Variants in ABTB3 observed in about 807,000 individuals in gnomAD.
ABTB3 encodes the protein ankyrin repeat- and BTB/POZ domain-containing protein 3.
the ABTB3 span, among the ~76,000 whole-genome samples, chr12:107,565,437 C>T: frequency 1.3e-5 from 2 of 152,126 alleles, no homozygotes; most frequent in East Asian, 3.9e-4. Flanking sequence ...TACTTCCACC[C>T]CTGCTATTTC....
At chr12:107,451,354 A>G in the ABTB3 span, among the ~76,000 whole-genome samples, 1 of 152,216 alleles carries the variant, frequency 6.6e-6, no homozygotes, top group African/African-American at 2.4e-5. Flanking sequence ...TGTTGAAGGC[A>G]GTGTTTTCTG....
At chr12:107,499,657 G>C in the ABTB3 span, among the ~76,000 whole-genome samples, 4 of 151,522 alleles carry the variant, frequency 2.6e-5, no homozygotes, top group African/African-American at 4.9e-5. Context: ...GCGGCAAGAG[G>C]GGGCAGGGGG....
the ABTB3 span, among the ~76,000 whole-genome samples, chr12:107,420,299 T>G: frequency 1.3e-5 from 2 of 152,128 alleles, no homozygotes; most frequent in African/African-American, 4.8e-5. Context: ...CATACTGCTA[T>G]GAAGAAATAC....
At chr12:107,581,073 A>C in the ABTB3 span, 1 of 1,539,218 alleles carries the variant, frequency 6.5e-7, no homozygotes, top group South Asian at 1.2e-5. Context: ...CCCCGCGAGC[A>C]GGGGGTGGGG....
chr12:107,434,203 G>T, the ABTB3 span, among the ~76,000 whole-genome samples: 2 of 152,196 alleles, frequency 1.3e-5, no homozygotes, highest in African/African-American at 4.8e-5. Flanking sequence ...TATCCCACCT[G>T]TAGGGCAAGA....
At chr12:107,364,135 C>T in the ABTB3 span, among the ~76,000 whole-genome samples, 41 of 152,268 alleles carry the variant, frequency 2.7e-4, no homozygotes, top group Non-Finnish European at 5.1e-4. Context: ...GGGCCAGTGA[C>T]CCCAGACAGT....
At chr12:107,337,248 T>C in the ABTB3 span, among the ~76,000 whole-genome samples, 1 of 152,198 alleles carries the variant, frequency 6.6e-6, no homozygotes, top group African/African-American at 2.4e-5. Flanking sequence ...ATTAATAGAC[T>C]TGTATGGGGT....
the ABTB3 span, among the ~76,000 whole-genome samples, chr12:107,550,236 A>C: frequency 1.3e-5 from 2 of 152,178 alleles, no homozygotes; most frequent in African/African-American, 4.8e-5. Context: ...CACAGCCACT[A>C]GTACTAGGCA....
At chr12:107,481,983 G>A in the ABTB3 span, among the ~76,000 whole-genome samples, 1 of 150,466 alleles carries the variant, frequency 6.6e-6, no homozygotes, top group Admixed American at 6.7e-5. Context: ...CTGAGTTAGG[G>A]AATATGTCCA....
chr12:107,360,368 G>C, the ABTB3 span, among the ~76,000 whole-genome samples: 3 of 152,160 alleles, frequency 2.0e-5, 1 homozygote, highest in South Asian at 6.2e-4. Flanking sequence ...AGTTTTGCTG[G>C]ATTGGAGCCC....
the ABTB3 span, among the ~76,000 whole-genome samples, chr12:107,547,281 C>A: frequency 3.9e-4 from 59 of 152,240 alleles, no homozygotes; most frequent in Non-Finnish European, 5.9e-4. Flanking sequence ...AACCACAACC[C>A]TCTGATGAGC....
the ABTB3 span, among the ~76,000 whole-genome samples, chr12:107,463,832 C>G: frequency 6.6e-6 from 1 of 152,214 alleles, no homozygotes; most frequent in East Asian, 1.9e-4. Context: ...AAGCCTCAAC[C>G]AGCCTCCCTT....
chr12:107,412,675 C>A, the ABTB3 span, among the ~76,000 whole-genome samples: 1 of 152,040 alleles, frequency 6.6e-6, no homozygotes, highest in African/African-American at 2.4e-5. Context: ...GTGTACCCTG[C>A]CTAATTAGGG....
chr12:107,515,597 GC>G, the ABTB3 span, among the ~76,000 whole-genome samples: 5 of 152,188 alleles, frequency 3.3e-5, no homozygotes, highest in African/African-American at 1.2e-4. Flanking sequence ...CGTGGCAACA[GC>G]TACTTGACTT....
the ABTB3 span, chr12:107,634,952 G>C: frequency 5.4e-6 from 1 of 186,736 alleles, no homozygotes; most frequent in Non-Finnish European, 1.1e-5. Flanking sequence ...TTAGAGTACT[G>C]GTAAAGGTGG....
At chr12:107,452,336 T>C in the ABTB3 span, among the ~76,000 whole-genome samples, 1 of 151,188 alleles carries the variant, frequency 6.6e-6, no homozygotes, top group South Asian at 2.1e-4. Flanking sequence ...GCGTCCTGAG[T>C]AGCTGGGACA....
the ABTB3 span, among the ~76,000 whole-genome samples, chr12:107,443,328 G>C: frequency 6.6e-6 from 1 of 152,016 alleles, no homozygotes; most frequent in Admixed American, 6.6e-5. Context: ...AGCACTTTGG[G>C]GCGGTCCCTA....
chr12:107,641,113 G>A, the ABTB3 span, among the ~76,000 whole-genome samples: 17 of 152,276 alleles, frequency 1.1e-4, no homozygotes, highest in East Asian at 2.9e-3. Context: ...TTCCTTCCAG[G>A]AAGTTTGCTA....
the ABTB3 span, among the ~76,000 whole-genome samples, chr12:107,453,051 T>G: frequency 6.6e-6 from 1 of 151,764 alleles, no homozygotes; most frequent in Non-Finnish European, 1.5e-5. Flanking sequence ...AGAGAAAGGG[T>G]CAGCTATGGA....
Sources: allele counts gnomAD v4.1 joint callset (sites outside exome capture counted in the v4.1 genomes callset), GRCh38; gene constraint gnomAD v4.1.1; transcripts MANE v1.5; gene names NCBI Gene and HGNC (gene_info 2026-07-23, HGNC 2026-07-21).